The following ZNF469 variants were observed in gnomAD, a reference collection of about 807,000 sequenced individuals.
The protein encoded by ZNF469 is zinc finger protein 469.
Under a neutral mutation model 1.0 loss-of-function variants are expected in ZNF469, and 1 was observed. The ratio of observed to expected loss-of-function variants is 1.00; its 90% confidence interval spans 0.35 to 4.73. The LOEUF (loss-of-function observed/expected upper bound fraction) is 4.73. Ranked by LOEUF, ZNF469 falls within the 30% of genes most tolerant of loss-of-function variation. The pLI is 0.16. For synonymous variants in ZNF469, 2,703 were observed against 2,363.4 expected (o/e 1.14, Z -4.17); for missense variants, 6,100 against 5,356.3 (o/e 1.14, Z -4.33).
the ZNF469 span, among the ~76,000 whole-genome samples, chr16:88,154,250 C>A: frequency 6.6e-6 from 1 of 151,620 alleles, no homozygotes; most frequent in Non-Finnish European, 1.5e-5. Flanking sequence ...TTCTGCCTCC[C>A]GGGTTCAAGT....
At chr16:88,352,426 G>C in the ZNF469 span, among the ~76,000 whole-genome samples, 1 of 152,250 alleles carries the variant, frequency 6.6e-6, no homozygotes, top group Non-Finnish European at 1.5e-5. Context: ...GGAGGGTGCT[G>C]CAGGTGCACA....
At chr16:88,313,763 G>A in the ZNF469 span, among the ~76,000 whole-genome samples, 1 of 151,910 alleles carries the variant, frequency 6.6e-6, no homozygotes, top group Non-Finnish European at 1.5e-5. Flanking sequence ...TGCTGCTGTG[G>A]ACTGTCATCT....
intron 1 of ZNF469, among the ~76,000 whole-genome samples, chr16:88,398,315 A>G (rs988063986): frequency 2.0e-5 from 3 of 152,264 alleles, no homozygotes; most frequent in South Asian, 2.1e-4. Context: ...TGAGTCACAG[A>G]TGAAGGGCCA....
Position 88,429,715 on chromosome 16 carries a change from C to G in ZNF469, c.2245C>G (p.His749Asp), listed in dbSNP as rs1423120539. Residue 749 changes from histidine (H) to aspartate (D), a missense_variant, in exon 3 of 3, where the codon CAC becomes GAC. His to Asp is a moderately conservative substitution (Grantham distance 81). Coordinates refer to ENST00000565624, the MANE Select transcript of ZNF469 (RefSeq NM_001367624.2). ...CAGCAGCCTGGCGGCCTTCCTGGCCCACCGGCAGTTCTGTGGCCTGCTCCT... is the reference window on the plus strand; with the variant it reads ...CAGCAGCCTGGCGGCCTTCCTGGCCGACCGGCAGTTCTGTGGCCTGCTCCT... ...NYSSLAAFLA[H>D]RQFCGLLLAR... is the part of the protein sequence containing the mutation. 1.9e-6 allele frequency: 3 copies of G among 1,543,528 alleles called. No individual in the cohort carries two copies. Among genetic ancestry groups the G allele is most frequent in the Middle Eastern group, 1.7e-4 (1 of 5,962 alleles).
chr16:88,261,353 T>C, the ZNF469 span, among the ~76,000 whole-genome samples: 1 of 152,164 alleles, frequency 6.6e-6, no homozygotes, highest in Non-Finnish European at 1.5e-5. The surrounding 1 kb of genome is among the most constrained non-coding windows in gnomAD (Gnocchi z 6.0). Context: ...CCATTCCATT[T>C]TGGGCTGGGG....
At chr16:88,410,683 C>T (rs926206613) in intron 1 of ZNF469, among the ~76,000 whole-genome samples, 3 of 145,876 alleles carry the variant, frequency 2.1e-5, no homozygotes, top group Non-Finnish European at 4.5e-5. Context: ...TGGAGAAGTT[C>T]ACAGTGCAGG....
At chr16:88,261,107 C>T in the ZNF469 span, among the ~76,000 whole-genome samples, 713 of 152,166 alleles carry the variant, frequency 4.7e-3, 4 homozygotes, top group African/African-American at 0.016. This position sits in a 1 kb window ranked among gnomAD's most constrained non-coding sequence, Gnocchi z 6.0. Context: ...GGCTCGAGCA[C>T]GCTGCCACTA....
At chr16:88,372,449 TCATCAC>T in the ZNF469 span, among the ~76,000 whole-genome samples, 3 of 148,814 alleles carry the variant, frequency 2.0e-5, no homozygotes, top group Admixed American at 2.0e-4. Context: ...ACCATCACCA[TCATCAC>T]CATCACTACC....
chr16:88,338,091 A>G, the ZNF469 span, among the ~76,000 whole-genome samples: 2 of 151,356 alleles, frequency 1.3e-5, no homozygotes, highest in Non-Finnish European at 2.9e-5. Context: ...TTGCTTTCTC[A>G]CAGTGCCCCA....
At chr16:88,353,625 C>T in the ZNF469 span, among the ~76,000 whole-genome samples, 3 of 152,330 alleles carry the variant, frequency 2.0e-5, no homozygotes, top group East Asian at 3.9e-4. Context: ...AGAGCATGCG[C>T]GCGTGTCGTG....
the ZNF469 span, among the ~76,000 whole-genome samples, chr16:88,148,882 TG>T: frequency 2.3e-4 from 35 of 152,280 alleles, no homozygotes; most frequent in African/African-American, 7.9e-4. Flanking sequence ...GGTTCATGTG[TG>T]GGACACGCTG....
Position 88,439,114 on chromosome 16 carries a change from C to G in ZNF469, c.11644C>G (p.Pro3882Ala), listed in dbSNP as rs1467737458. The G allele has an allele frequency of 4.5e-6, 7 of 1,550,846 alleles. No homozygotes were observed. Among genetic ancestry groups the G allele is most frequent in the East Asian group, 2.4e-5 (1 of 40,936 alleles). ...ACCATCAGAGCAGCGGAAGGCAGAGCCGGGCCACACACAGAGGAAGGACAG... is the reference window on the plus strand; with the variant it reads ...ACCATCAGAGCAGCGGAAGGCAGAGGCGGGCCACACACAGAGGAAGGACAG... ...PPPSEQRKAE[P>A]GHTQRKDRLG... The change falls in exon 3 of 3, where the codon CCG becomes GCG. Residue 3882 changes from proline (P) to alanine (A), a missense_variant. Physicochemically the swap from Pro to Ala is conservative, Grantham distance 27. Transcript: ENST00000565624.
chr16:88,203,595 A>C, the ZNF469 span, among the ~76,000 whole-genome samples: 2 of 152,196 alleles, frequency 1.3e-5, no homozygotes, highest in Non-Finnish European at 2.9e-5. Flanking sequence ...TCTCAGGGCC[A>C]TGCTGCCTGG....
chr16:88,259,777 C>G, the ZNF469 span, among the ~76,000 whole-genome samples: 1 of 152,188 alleles, frequency 6.6e-6, no homozygotes. The surrounding 1 kb of genome is among the most constrained non-coding windows in gnomAD (Gnocchi z 4.1). Context: ...GCGCTGATCC[C>G]TCCCTCCAGG....
At chr16:88,378,370 A>C (rs1450965405), upstream of ZNF469, among the ~76,000 whole-genome samples, 1 of 152,170 alleles carries the variant, frequency 6.6e-6, no homozygotes, top group East Asian at 1.9e-4. Flanking sequence ...GGCTGGTAAA[A>C]TAACTAGCGC....
intron 1 of ZNF469, among the ~76,000 whole-genome samples, chr16:88,409,677 C>T (rs116936802): frequency 0.015 from 2,252 of 152,248 alleles, 30 homozygotes; most frequent in Non-Finnish European, 0.025. Flanking sequence ...TGAATGGAGA[C>T]GAAAAATGCA....
At chr16:88,114,567 C>A in the ZNF469 span, among the ~76,000 whole-genome samples, 2 of 152,318 alleles carry the variant, frequency 1.3e-5, no homozygotes, top group African/African-American at 2.4e-5. Flanking sequence ...CAGCTGACTT[C>A]CCAGGCCATG....
the ZNF469 span, among the ~76,000 whole-genome samples, chr16:88,307,020 C>T: frequency 1.3e-4 from 20 of 152,296 alleles, no homozygotes; most frequent in African/African-American, 2.9e-4. Flanking sequence ...ACTTCTACCC[C>T]GGTCCCTGGC....
At chr16:88,101,788 T>A in the ZNF469 span, among the ~76,000 whole-genome samples, 1 of 152,178 alleles carries the variant, frequency 6.6e-6, no homozygotes, top group South Asian at 2.1e-4. Flanking sequence ...TTTCCCATTA[T>A]AAAGCTGGGC....
Sources: gnomAD v4.1 joint callset for allele counts (sites outside exome capture counted in the v4.1 genomes callset) on GRCh38, gnomAD v4.1.1 for gene constraint, Gnocchi (gnomAD v3.1) non-coding constraint, MANE v1.5 for transcripts, NCBI Gene and HGNC (gene_info 2026-07-23, HGNC 2026-07-21) for gene names.